The following NELL1 variants were observed in gnomAD, a reference collection of about 807,000 sequenced individuals.
NELL1 encodes the protein protein kinase C-binding protein NELL1.
A neutral mutation model predicts 107.4 loss-of-function variants in NELL1; 76 were observed. That is an observed-to-expected ratio of 0.71 (90% confidence interval 0.59 to 0.86). The LOEUF (loss-of-function observed/expected upper bound fraction) is 0.86, where lower values mean the gene tolerates loss of function less well. Among genes scored for constraint, NELL1 ranks in the 40% least tolerant of loss-of-function variants. NELL1 has a pLI of 0.00. For synonymous variants in NELL1, 353 were observed against 341.2 expected (o/e 1.03, Z -0.38); for missense variants, 1,024 against 1,005.5 (o/e 1.02, Z -0.25).
At chr11:21,337,837 T>TTTCTTGCTTTC (rs71034505) in intron 14 of NELL1, among the ~76,000 whole-genome samples, 1 of 86,616 alleles carries the variant, frequency 1.2e-5, no homozygotes, top group Non-Finnish European at 2.3e-5. Flanking sequence ...TCTTTCTTTC[T>TTTCTTGCTTTC]TTTCTTTCTT....
At chr11:21,097,483 C>A (rs1854675384) in intron 12 of NELL1, among the ~76,000 whole-genome samples, 1 of 152,132 alleles carries the variant, frequency 6.6e-6, no homozygotes, top group Non-Finnish European at 1.5e-5. Flanking sequence ...ACTGCACAAT[C>A]TGAACTGACC....
chr11:21,126,561 G>A (rs1040751979), intron 13 of NELL1, among the ~76,000 whole-genome samples: 4 of 152,044 alleles, frequency 2.6e-5, no homozygotes, highest in Non-Finnish European at 4.4e-5. Context: ...AAGACGATTG[G>A]GTTTTAAGGT....
At chr11:21,564,729 A>T (rs1263747452) in intron 17 of NELL1, among the ~76,000 whole-genome samples, 1 of 151,884 alleles carries the variant, frequency 6.6e-6, no homozygotes, top group Non-Finnish European at 1.5e-5. Flanking sequence ...AAGGGATACC[A>T]TAAATAGCCA....
intron 2 of NELL1, among the ~76,000 whole-genome samples, chr11:20,769,761 G>A (rs546952607): frequency 6.6e-6 from 1 of 152,184 alleles, no homozygotes; most frequent in African/African-American, 2.4e-5. Flanking sequence ...TTGTCCCCAC[G>A]GAGCCCCCCA....
intron 2 of NELL1, among the ~76,000 whole-genome samples, chr11:20,708,921 G>C (rs1855042875): frequency 6.6e-6 from 1 of 152,062 alleles, no homozygotes; most frequent in East Asian, 1.9e-4. Context: ...TTTCACCTCA[G>C]ATCATCAGGC....
At chr11:21,212,414 T>C (rs886337397) in intron 13 of NELL1, among the ~76,000 whole-genome samples, 1 of 152,192 alleles carries the variant, frequency 6.6e-6, no homozygotes, top group Admixed American at 6.6e-5. Flanking sequence ...TAGAGTCTTT[T>C]GGTTCCAACT....
At chr11:20,984,432 G>A (rs1405540324) in intron 12 of NELL1, among the ~76,000 whole-genome samples, 1 of 152,068 alleles carries the variant, frequency 6.6e-6, no homozygotes, top group Non-Finnish European at 1.5e-5. Context: ...CTGCAAAAAG[G>A]GTTAGTAATT....
chr11:20,771,892 A>G (rs1856648176), intron 2 of NELL1, among the ~76,000 whole-genome samples: 1 of 152,240 alleles, frequency 6.6e-6, no homozygotes, highest in Non-Finnish European at 1.5e-5. Context: ...TTAAAATGAG[A>G]CATCATCTCT....
intron 15 of NELL1, among the ~76,000 whole-genome samples, chr11:21,498,900 A>C (rs1406438187): frequency 2.0e-5 from 3 of 152,032 alleles, no homozygotes. Flanking sequence ...AGAGAGGTTA[A>C]ACATCTTTTA....
chr11:21,547,037 G>A (rs1856460340), intron 16 of NELL1, among the ~76,000 whole-genome samples: 1 of 151,916 alleles, frequency 6.6e-6, no homozygotes, highest in Non-Finnish European at 1.5e-5. Context: ...CCAGTCTGGA[G>A]TGGGGACAGT....
chr11:21,107,122 A>G (rs1442589853), intron 12 of NELL1, among the ~76,000 whole-genome samples: 4 of 152,210 alleles, frequency 2.6e-5, no homozygotes, highest in East Asian at 1.9e-4. Flanking sequence ...ATTTGTTACA[A>G]TTGATGGACC....
intron 12 of NELL1, among the ~76,000 whole-genome samples, chr11:20,995,948 G>A (rs771766849): frequency 3.3e-5 from 5 of 152,192 alleles, no homozygotes; most frequent in Non-Finnish European, 7.3e-5. Flanking sequence ...AAGAATGAAC[G>A]AGATTTGGAT....
chr11:21,124,448 G>T (rs1855443391), intron 13 of NELL1, among the ~76,000 whole-genome samples: 1 of 152,110 alleles, frequency 6.6e-6, no homozygotes, highest in South Asian at 2.1e-4. Context: ...TGCAATTATG[G>T]TGCTGTCTTA....
At chr11:21,394,758 A>G (rs560986991) in intron 15 of NELL1, among the ~76,000 whole-genome samples, 12 of 151,652 alleles carry the variant, frequency 7.9e-5, no homozygotes, top group African/African-American at 2.7e-4. Flanking sequence ...ATCCTGAGTC[A>G]TCATGTTTTA....
chr11:21,145,273 AT>A (rs1454374919), intron 13 of NELL1, among the ~76,000 whole-genome samples: 3 of 152,304 alleles, frequency 2.0e-5, no homozygotes, highest in Non-Finnish European at 2.9e-5. Flanking sequence ...CTTAGGTTAA[AT>A]AATTTATCCA....
intron 2 of NELL1, among the ~76,000 whole-genome samples, chr11:20,692,985 A>G (rs1425870218): frequency 6.6e-6 from 1 of 152,050 alleles, no homozygotes; most frequent in Non-Finnish European, 1.5e-5. Context: ...TTGGGTGCAT[A>G]TATATTTAGG....
chr11:21,331,194 A>C (rs936849636), intron 14 of NELL1, among the ~76,000 whole-genome samples: 1 of 151,878 alleles, frequency 6.6e-6, no homozygotes, highest in African/African-American at 2.4e-5. Context: ...TGTCATGTTC[A>C]TATCTAGTCC....
intron 15 of NELL1, 76 bp downstream of exon 15, chr11:21,371,024 T>C: frequency 9.1e-7 from 1 of 1,097,142 alleles, no homozygotes. Flanking sequence ...AACAGCTCTT[T>C]CTTTAGAAAT....
intron 14 of NELL1, among the ~76,000 whole-genome samples, chr11:21,264,202 A>G (rs1213324313): frequency 1.3e-5 from 2 of 151,778 alleles, no homozygotes; most frequent in Non-Finnish European, 2.9e-5. Context: ...AAGCAGCATG[A>G]TATAGGGAAA....
Sources: allele counts gnomAD v4.1 joint callset (sites outside exome capture counted in the v4.1 genomes callset), GRCh38; gene constraint gnomAD v4.1.1; transcripts MANE v1.5; gene names NCBI Gene and HGNC (gene_info 2026-07-23, HGNC 2026-07-21).